FADS3: variants seen among roughly 807,000 people sequenced by gnomAD.
FADS3 encodes cytochrome b5-related protein.
In FADS3, 30 loss-of-function variants were observed where a neutral mutation model predicts 60.4. That is an observed-to-expected ratio of 0.50 (90% CI 0.37 to 0.67). FADS3 has a LOEUF of 0.67. Among genes scored for constraint, FADS3 ranks in the 30% least tolerant of loss-of-function variants. FADS3 has a pLI of 0.00. For missense variants in FADS3, 432 were observed against 598.3 expected, an observed-to-expected ratio of 0.72 and a Z score of 2.90; for synonymous variants, 234 against 249.3, an observed-to-expected ratio of 0.94 and a Z score of 0.58.
At chr11:61,882,993 G>A (rs886719095) in intron 1 of FADS3, among the ~76,000 whole-genome samples, 4 of 152,148 alleles carry the variant, frequency 2.6e-5, no homozygotes, top group Non-Finnish European at 5.9e-5. Context: ...GCCTCCCAAA[G>A]TGTTGGGATT....
chr11:61,876,205 C>T lies in FADS3; in HGVS notation c.1081-15G>A, dbSNP rs138075407. 1,431 of 1,591,018 alleles carry T rather than the reference C, an allele frequency of 9.0e-4. 9 individuals are homozygous for T. In the African/African-American group the frequency reaches 0.014, roughly 16 times the overall value. ...GTGGCTGCCAGCTGCCGGAAGCCGG[C>T]GGGGCACATGTGAGGAGGCCGTTGC... On this transcript the variant is annotated splice_polypyrimidine_tract_variant and intron_variant, in intron 9 of 11. Transcript: ENST00000278829. This position sits in a 1 kb window ranked among gnomAD's most constrained non-coding sequence, Gnocchi z 5.7.
chr11:61,879,220 T>C (rs1221415758), intron 3 of FADS3, 92 bp downstream of exon 3: 3 of 1,143,328 alleles, frequency 2.6e-6, no homozygotes, highest in Non-Finnish European at 3.8e-6. Flanking sequence ...GGTCCATTCA[T>C]TCATTTAGCA....
At chr11:61,891,137 G>A (rs781252089) in intron 1 of FADS3, 32 bp downstream of exon 1, 1 of 1,532,848 alleles carries the variant, frequency 6.5e-7, no homozygotes, top group Non-Finnish European at 8.8e-7. Flanking sequence ...GGCTCCACCC[G>A]CCGGTGGGTG....
At chr11:61,885,318 C>T (rs1339512787) in intron 1 of FADS3, among the ~76,000 whole-genome samples, 3 of 152,236 alleles carry the variant, frequency 2.0e-5, no homozygotes, top group African/African-American at 7.2e-5. Context: ...GACAAGACCA[C>T]ACCCATCTCT....
At chr11:61,890,752 C>T (rs558326274) in intron 1 of FADS3, among the ~76,000 whole-genome samples, 2,166 of 152,294 alleles carry the variant, frequency 0.014, 57 homozygotes, top group African/African-American at 0.05. Context: ...GCCGGCCCAG[C>T]CCCCAGCCTC....
Position 61,891,403 on chromosome 11 carries a change from G to A in FADS3, c.-22C>T. On this transcript the variant is annotated 5_prime_UTR_variant, in exon 1 of 12. Transcript: ENST00000278829. ...CCATGCTGCACGCACGAGTCCTGGG[G>A]ATCCCAGGCGGTGGCCGAGGTCCGA... The A allele has an allele frequency of 2.9e-6, 4 of 1,395,890 alleles. No individual in the cohort carries two copies. The highest frequency in any genetic ancestry group is 3.7e-6 in the Non-Finnish European group (4 of 1,078,908). The allele number at this position is 1,395,890 out of a possible 1,614,324, so 86.5% of individuals were successfully genotyped here.
chr11:61,876,623 C>G lies in FADS3; in HGVS notation c.984-168G>C. ...TTAAAGAATCTGAATGGAGCAGTGT[C>G]CACTGTGAGGCTGAGTCCAGAGCAG... On this transcript the variant is annotated intron_variant, in intron 8 of 11. Coordinates refer to ENST00000278829, the MANE Select transcript of FADS3 (RefSeq NM_021727.5). The surrounding 1 kb of genome is among the most constrained non-coding windows in gnomAD (Gnocchi z 5.7). 3 of 671,312 alleles carry G rather than the reference C, an allele frequency of 4.5e-6. No homozygotes were observed. Among genetic ancestry groups the G allele is most frequent in the Non-Finnish European group, 7.9e-6 (3 of 378,742 alleles). 41.6% of individuals were successfully genotyped at this position (671,312 alleles called of 1,614,324 possible). A position where few individuals can be genotyped will look rare whatever the true frequency, so the allele number is the denominator to read the frequency against.
chr11:61,891,240 TGTC>T lies in FADS3; in HGVS notation c.139_141del (p.Asp47del). 6.5e-7 allele frequency: 1 copy of T among 1,549,022 alleles called. No homozygotes were observed. Among genetic ancestry groups the T allele is most frequent in the South Asian group, 1.2e-5 (1 of 84,396 alleles). On this transcript the variant is annotated inframe_deletion, in exon 1 of 12. Transcript: ENST00000278829. ...GGGTGCCGCTGTGCCCAGCGGCTGA[TGTC>T]GTAGACGCGGCGCTCGATGACCAGC...
chr11:61,877,534 TG>T lies in FADS3; in HGVS notation c.861del (p.Tyr287Ter), dbSNP rs768174540. On this transcript the variant is annotated frameshift_variant, in exon 7 of 12. Transcript: ENST00000278829. LOFTEE classifies it high-confidence loss of function. The surrounding 1 kb of genome is among the most constrained non-coding windows in gnomAD (Gnocchi z 4.7). ...LVNFEVENLA[Y>X]MLVCMQWADL... ...ACCGCCCACTGCATGCACACCAGCA[TG>T]TACGCCAGATTTTCCACTTCAAAGT... The T allele has an allele frequency of 6.2e-7, 1 of 1,613,646 alleles. No individual in the cohort carries two copies. Among genetic ancestry groups the T allele is most frequent in the South Asian group, 1.1e-5 (1 of 91,078 alleles).
intron 1 of FADS3, chr11:61,881,407 A>G (rs1938125053): frequency 6.6e-6 from 1 of 152,192 alleles, no homozygotes; most frequent in African/African-American, 2.4e-5. Flanking sequence ...TGGTCTTGGT[A>G]TTGTAATCGG....
At chr11:61,873,907 C>A in intron 11 of FADS3, 42 bp from the exon 12 acceptor site, 1 of 1,364,094 alleles carries the variant, frequency 7.3e-7, no homozygotes, top group Non-Finnish European at 1.0e-6. Context: ...GTTAGGAGCT[C>A]AGTTGCAAGA....
chr11:61,879,622 G>A (rs1638636102), intron 2 of FADS3, 113 bp from the exon 3 acceptor site: 3 of 1,057,574 alleles, frequency 2.8e-6, no homozygotes, highest in Admixed American at 2.2e-5. Flanking sequence ...GGGCAAAGAG[G>A]AATGAAGTGA....
intron 2 of FADS3, 87 bp downstream of exon 2, chr11:61,879,954 C>T (rs1225472727): frequency 2.0e-5 from 22 of 1,085,242 alleles, no homozygotes; most frequent in Non-Finnish European, 2.7e-5. Context: ...GCCGAGGGAG[C>T]TGCTCCTGGC....
chr11:61,879,944 GC>G, intron 2 of FADS3, 96 bp downstream of exon 2: 1 of 981,446 alleles, frequency 1.0e-6, no homozygotes, highest in Non-Finnish European at 1.5e-6. Flanking sequence ...TTGGGCGAAT[GC>G]CGAGGGAGCT....
chr11:61,880,175 C>T (rs774764892), intron 1 of FADS3, 24 bp from the exon 2 acceptor site: 32 of 1,595,258 alleles, frequency 2.0e-5, no homozygotes, highest in East Asian at 1.3e-4. Flanking sequence ...GACAGTCAGG[C>T]GGACAGACAG....
chr11:61,883,876 G>A (rs1402590777), intron 1 of FADS3, among the ~76,000 whole-genome samples: 1 of 152,236 alleles, frequency 6.6e-6, no homozygotes, highest in Non-Finnish European at 1.5e-5. Flanking sequence ...GCCCCCTCAG[G>A]GCTGTGTCAG....
At chr11:61,891,589 C>CCGCCT (rs1437228817), upstream of FADS3, 3 of 214,048 alleles carry the variant, frequency 1.4e-5, no homozygotes, top group African/African-American at 2.3e-5. Context: ...CGGACGGCGC[C>CCGCCT]CGCCTCGCCT....
At position 61,877,786 on chromosome 11, in the gene FADS3, C is replaced by G. The variant is rs780956894; in HGVS notation, c.809-199G>C. Reference sequence around the variant, plus strand: ...GCCCTTACCCCACCACCTCCCACCACCCTTCACCGCAAGTCAGGGCCAGAC... The same window carrying G: ...GCCCTTACCCCACCACCTCCCACCAGCCTTCACCGCAAGTCAGGGCCAGAC... On this transcript the variant is annotated intron_variant, in intron 6 of 11. Coordinates refer to ENST00000278829, the MANE Select transcript of FADS3 (RefSeq NM_021727.5). The surrounding 1 kb of genome is among the most constrained non-coding windows in gnomAD (Gnocchi z 4.7). 3.3e-5 allele frequency: 20 copies of G among 608,922 alleles called. No individual in the cohort carries two copies. The highest frequency in any genetic ancestry group is 5.6e-5 in the Admixed American group (2 of 35,968). The allele number at this position is 608,922 out of a possible 1,614,324, so 37.7% of individuals were successfully genotyped here.
chr11:61,885,396 C>T (rs1938279181), intron 1 of FADS3, among the ~76,000 whole-genome samples: 1 of 152,212 alleles, frequency 6.6e-6, no homozygotes, highest in African/African-American at 2.4e-5. Context: ...TGGGAGGATG[C>T]AGTCGGTGGC....
Sources: allele counts gnomAD v4.1 joint callset (sites outside exome capture counted in the v4.1 genomes callset), GRCh38; gene constraint gnomAD v4.1.1; non-coding constraint Gnocchi (gnomAD v3.1); transcripts MANE v1.5; gene names NCBI Gene and HGNC (gene_info 2026-07-23, HGNC 2026-07-21).